CEMIP2: variants seen among roughly 807,000 people sequenced by gnomAD.
CEMIP2 encodes the protein cell migration inducing hyaluronidase 2.
Under a neutral mutation model 146.9 loss-of-function variants are expected in CEMIP2, and 79 were observed. That is an observed-to-expected ratio of 0.54 (90% CI 0.45 to 0.65). CEMIP2 has a LOEUF of 0.65. Ranked by LOEUF, CEMIP2 falls within the 30% of genes least tolerant of loss-of-function variation. The pLI is 0.00. For missense variants in CEMIP2, 1,596 were observed against 1,696.2 expected (o/e 0.94, Z 1.04); for synonymous variants, 601 against 606.3 (o/e 0.99, Z 0.13).
intron 6 of CEMIP2, among the ~76,000 whole-genome samples, chr9:71,734,529 T>C (rs1179558976): frequency 6.6e-6 from 1 of 152,192 alleles, no homozygotes; most frequent in Non-Finnish European, 1.5e-5. Context: ...AGAAAAGACC[T>C]TGGAAAATCA....
intron 1 of CEMIP2, among the ~76,000 whole-genome samples, chr9:71,766,016 T>C (rs1374193308): frequency 6.6e-6 from 1 of 152,134 alleles, no homozygotes; most frequent in African/African-American, 2.4e-5. Context: ...CATACAGCAC[T>C]CCATGTGAGT....
At chr9:71,715,363 C>A (rs1197887155) in intron 14 of CEMIP2, among the ~76,000 whole-genome samples, 1 of 150,336 alleles carries the variant, frequency 6.7e-6, no homozygotes, top group African/African-American at 2.4e-5. Flanking sequence ...CCCACCTCAG[C>A]CTTCCAAGTA....
chr9:71,698,208 C>T lies in CEMIP2; in HGVS notation c.3378-4G>A. ...TTTGAGATACAAAAACAGTAACCTG[C>T]ACAAAACAGAAACCAATCCATGTAG... is the stretch of plus-strand genomic sequence containing the variant. On this transcript the variant is annotated splice_polypyrimidine_tract_variant and splice_region_variant and intron_variant, in intron 19 of 23. Coordinates refer to ENST00000377044, the MANE Select transcript of CEMIP2 (RefSeq NM_013390.3). 6.2e-7 allele frequency: 1 copy of T among 1,613,394 alleles called. No homozygotes were observed. The highest frequency in any genetic ancestry group is 8.5e-7 in the Non-Finnish European group (1 of 1,179,482).
At chr9:71,692,812 G>A (rs1472206807) in intron 21 of CEMIP2, among the ~76,000 whole-genome samples, 1 of 152,068 alleles carries the variant, frequency 6.6e-6, no homozygotes, top group Non-Finnish European at 1.5e-5. Flanking sequence ...CTACGTGGGA[G>A]GATCAATTTA....
chr9:71,713,290 T>A (rs1483691177), intron 15 of CEMIP2, among the ~76,000 whole-genome samples: 1 of 152,038 alleles, frequency 6.6e-6, no homozygotes, highest in African/African-American at 2.4e-5. Flanking sequence ...AAACAGGAGT[T>A]TCCCTGTTTT....
intron 19 of CEMIP2, among the ~76,000 whole-genome samples, chr9:71,698,935 A>G (rs915142780): frequency 6.6e-6 from 1 of 152,136 alleles, no homozygotes; most frequent in Non-Finnish European, 1.5e-5. Context: ...GAAATGAAGA[A>G]TTCACATTTT....
intron 17 of CEMIP2, among the ~76,000 whole-genome samples, chr9:71,705,207 G>C (rs7856491): frequency 0.07 from 10,615 of 151,760 alleles, 396 homozygotes; most frequent in Middle Eastern, 0.13. Flanking sequence ...TCTAAACCAA[G>C]AGATGAAAAA....
At chr9:71,729,322 A>T (rs1823543344) in intron 10 of CEMIP2, among the ~76,000 whole-genome samples, 1 of 151,948 alleles carries the variant, frequency 6.6e-6, no homozygotes, top group Admixed American at 6.6e-5. Flanking sequence ...TAAACTCATA[A>T]ATACTAATGG....
At chr9:71,747,556 G>A (rs1824124777) in intron 2 of CEMIP2, among the ~76,000 whole-genome samples, 2 of 152,138 alleles carry the variant, frequency 1.3e-5, no homozygotes, top group African/African-American at 4.8e-5. Context: ...GAATTCCAAG[G>A]TGGCTTTATT....
intron 22 of CEMIP2, chr9:71,687,460 TTCTGTGTG>T (rs1469669104): frequency 4.4e-5 from 4 of 90,612 alleles, no homozygotes; most frequent in African/African-American, 7.0e-5. Flanking sequence ...TGTATTTATT[TTCTGTGTG>T]TGTGTGTGTG....
At chr9:71,696,917 A>G in intron 20 of CEMIP2, among the ~76,000 whole-genome samples, 1 of 152,156 alleles carries the variant, frequency 6.6e-6, no homozygotes, top group East Asian at 1.9e-4. Context: ...GGAACTTACT[A>G]GTGGAAGTAA....
intron 1 of CEMIP2, among the ~76,000 whole-genome samples, chr9:71,761,582 A>T (rs1043150026): frequency 6.6e-6 from 1 of 152,230 alleles, no homozygotes; most frequent in African/African-American, 2.4e-5. Flanking sequence ...TTCAACTGTA[A>T]CACATAGCCT....
At chr9:71,756,472 CCTCTCTCTCT>C (rs67234507) in intron 1 of CEMIP2, among the ~76,000 whole-genome samples, 51 of 130,064 alleles carry the variant, frequency 3.9e-4, no homozygotes, top group East Asian at 9.2e-4. Context: ...ACTACAGATT[CCTCTCTCTCT>C]CTCTCTCTCT....
intron 5 of CEMIP2, among the ~76,000 whole-genome samples, chr9:71,739,430 C>G (rs1823854401): frequency 6.8e-6 from 1 of 146,774 alleles, no homozygotes; most frequent in South Asian, 2.2e-4. Context: ...GAGACAGGAC[C>G]ACTAAACTCC....
At chr9:71,731,536 C>T (rs1458180861) in intron 7 of CEMIP2, among the ~76,000 whole-genome samples, 1 of 152,024 alleles carries the variant, frequency 6.6e-6, no homozygotes, top group African/African-American at 2.4e-5. Flanking sequence ...CAATACCAGC[C>T]TGGGCAACAT....
chr9:71,747,432 C>T (rs546520381), intron 2 of CEMIP2, among the ~76,000 whole-genome samples: 3 of 152,278 alleles, frequency 2.0e-5, no homozygotes, highest in Admixed American at 2.0e-4. Context: ...GCTTCATGAA[C>T]AGGTGACTTG....
rs1460449478 is a variant in CEMIP2, at chr9:71,685,380, A to G, written c.3969T>C (p.Phe1323=). 6.5e-7 allele frequency: 1 copy of G among 1,541,776 alleles called. No individual in the cohort carries two copies. The highest frequency in any genetic ancestry group is 8.7e-7 in the Non-Finnish European group (1 of 1,151,982). Residue 1323 remains phenylalanine (F), a synonymous_variant, in exon 24 of 24, where the codon TTT becomes TTC. Transcript: ENST00000377044. The part of the protein sequence containing the change: ...AHLYDKGSTI[F]LGFSGNFKPS... ...GTTTAAAGTTTCCACTGAATCCCAA[A>G]AATATGGTACTCCCTAAAAAAAAAA...
chr9:71,729,005 G>A (rs1823534161), intron 10 of CEMIP2, among the ~76,000 whole-genome samples: 1 of 151,556 alleles, frequency 6.6e-6, no homozygotes, highest in South Asian at 2.1e-4. Context: ...TTTTTTTTTG[G>A]AGGGTGTAGG....
At chr9:71,685,543 C>T (rs145711167) in intron 23 of CEMIP2, 150 bp from the exon 24 acceptor site, 1 of 1,048,860 alleles carries the variant, frequency 9.5e-7, no homozygotes, top group African/African-American at 1.6e-5. Flanking sequence ...AATGAACTCT[C>T]ACCACCCACC....
Sources: gnomAD v4.1 joint callset for allele counts (sites outside exome capture counted in the v4.1 genomes callset) on GRCh38, gnomAD v4.1.1 for gene constraint, MANE v1.5 for transcripts, NCBI Gene and HGNC (gene_info 2026-07-23, HGNC 2026-07-21) for gene names.